The following ABHD18 variants were observed in gnomAD, a reference collection of about 807,000 sequenced individuals.
ABHD18 encodes cardiolipin-specific deacylase, mitochondrial.
Under a neutral mutation model 65.9 loss-of-function variants are expected in ABHD18, and 55 were observed. The ratio of observed to expected loss-of-function variants is 0.84; its 90% CI spans 0.67 to 1.05. The LOEUF is 1.05. Among genes scored for constraint, ABHD18 ranks in the 50% least tolerant of loss-of-function variants. The pLI is 0.00. For synonymous variants in ABHD18, 181 were observed against 180.2 expected (o/e 1.00, Z -0.04); for missense variants, 533 against 558.5 (o/e 0.95, Z 0.46).
intron 10 of ABHD18, among the ~76,000 whole-genome samples, chr4:128,024,696 ATTT>A (rs567663945): frequency 7.0e-6 from 1 of 143,250 alleles, no homozygotes; most frequent in Non-Finnish European, 1.5e-5. Flanking sequence ...ACCAATTTTA[ATTT>A]TTTTTTTTTT....
In ABHD18 at chr4:127,998,070, T is replaced by C. The variant is rs376660545; in HGVS notation, c.278+8249T>C. ...ACAACCAACTAATATTTTTTTTATT[T>C]GTAGAGAACAAGGTCTCTATGTTGC... On this transcript the variant is annotated intron_variant, in intron 4 of 12. Transcript: ENST00000645843. Among the ~76,000 whole-genome samples, 85 of 152,004 alleles carry C rather than the reference T, an allele frequency of 5.6e-4. No homozygotes were observed. In the East Asian group the frequency reaches 0.014, roughly 25 times the overall value.
At chr4:127,987,869 A>G (rs1309602934) in intron 3 of ABHD18, among the ~76,000 whole-genome samples, 1 of 152,176 alleles carries the variant, frequency 6.6e-6, no homozygotes. Context: ...AATTTCAATT[A>G]AAGTATTGAA....
At chr4:128,034,109 CCACCA>C (rs1027527885) in intron 12 of ABHD18, among the ~76,000 whole-genome samples, 3 of 151,710 alleles carry the variant, frequency 2.0e-5, no homozygotes, top group Admixed American at 6.6e-5. Flanking sequence ...CAGGCACCCA[CCACCA>C]CACCCGGCTA....
rs754392134 is a variant in ABHD18 at position 128,020,154 on chromosome 4, TG to T, written c.688del (p.Val230SerfsTer7). The T allele has an allele frequency of 6.2e-7, 1 of 1,612,758 alleles. No homozygotes were observed. Among genetic ancestry groups the T allele is most frequent in the African/African-American group, 1.3e-5 (1 of 75,048 alleles). ...IPCLSWSTASGVFTTGVLSKS... is the reference protein window; with the variant it reads ...IPCLSWSTASXVFTTGVLSKS... ...CATGCCTGTCTTGGTCCACAGCATC[TG>T]GGGTCTTCACTACGGTAATTTAATT... On this transcript the variant is annotated frameshift_variant, in exon 9 of 13. Coordinates refer to ENST00000645843, the MANE Select transcript of ABHD18 (RefSeq NM_001358451.3). LOFTEE classifies it high-confidence loss of function.
At chr4:127,967,575 G>A (rs1303017328) in intron 1 of ABHD18, among the ~76,000 whole-genome samples, 1 of 152,084 alleles carries the variant, frequency 6.6e-6, no homozygotes, top group African/African-American at 2.4e-5. Flanking sequence ...AGCTGGTAGA[G>A]GAATCCCAGC....
chr4:128,013,006 C>G (rs1196576379), intron 7 of ABHD18, among the ~76,000 whole-genome samples: 1 of 141,288 alleles, frequency 7.1e-6, no homozygotes, highest in Non-Finnish European at 1.5e-5. Context: ...GCGGACGTTG[C>G]AGTGAGCGGA....
intron 4 of ABHD18, among the ~76,000 whole-genome samples, chr4:128,003,938 T>A (rs1303003922): frequency 7.2e-6 from 1 of 138,614 alleles, no homozygotes; most frequent in Non-Finnish European, 1.6e-5. Context: ...AGCAAGACCC[T>A]GTCTCGATTT....
chr4:127,966,704 A>AC (rs1745545316), intron 1 of ABHD18, among the ~76,000 whole-genome samples: 1 of 36,990 alleles, frequency 2.7e-5, no homozygotes, highest in African/African-American at 8.4e-5. Context: ...TAAAAATACA[A>AC]AAAAAAAAAA....
intron 1 of ABHD18, among the ~76,000 whole-genome samples, chr4:127,976,943 A>G: frequency 6.6e-6 from 1 of 152,110 alleles, no homozygotes; most frequent in East Asian, 1.9e-4. Context: ...TGGGAGGCTG[A>G]GGCAGGAGAA....
intron 4 of ABHD18, among the ~76,000 whole-genome samples, chr4:128,002,508 G>A (rs1752836666): frequency 6.6e-6 from 1 of 151,600 alleles, no homozygotes; most frequent in East Asian, 2.0e-4. Flanking sequence ...TTGAATTCCT[G>A]GCCTCAGGTG....
intron 8 of ABHD18, 101 bp downstream of exon 8, chr4:128,017,602 T>G (rs1378350755): frequency 9.3e-7 from 1 of 1,081,068 alleles, no homozygotes; most frequent in Non-Finnish European, 1.3e-6. Context: ...AGAATTAGTT[T>G]TAGTAAAAGT....
chr4:128,019,374 T>C (rs1756084383), intron 8 of ABHD18, among the ~76,000 whole-genome samples: 1 of 152,192 alleles, frequency 6.6e-6, no homozygotes. Context: ...TGTGTGCCTA[T>C]TGACCATCCC....
At chr4:128,035,723 G>T (rs1455486689) in intron 12 of ABHD18, 39 bp from the exon 13 acceptor site, 2 of 1,263,230 alleles carry the variant, frequency 1.6e-6, no homozygotes, top group Admixed American at 2.3e-5. Context: ...CCCCCTTTTT[G>T]TTAGTTACTT....
chr4:127,982,499 T>C (rs1257369548), intron 1 of ABHD18, among the ~76,000 whole-genome samples: 1 of 152,168 alleles, frequency 6.6e-6, no homozygotes, highest in African/African-American at 2.4e-5. Context: ...GGGTAAATTA[T>C]ACTCTCTATG....
chr4:127,980,824 TCA>T (rs1748899932), intron 1 of ABHD18, among the ~76,000 whole-genome samples: 1 of 84,860 alleles, frequency 1.2e-5, no homozygotes. Context: ...AGACTGCATC[TCA>T]AAAAAAAAAA....
chr4:128,030,513 C>T lies in ABHD18; in HGVS notation c.1184C>T (p.Pro395Leu). Residue 395 changes from proline (P) to leucine (L), a missense_variant, in exon 12 of 13, where the codon CCA becomes CTA. Transcript: ENST00000645843. Reference protein sequence around the residue: ...ECTHVANFSVPVDPSLIIVVQ... With the variant: ...ECTHVANFSVLVDPSLIIVVQ... ...TTTTTAAAAATCCTATACCTAGTCC[C>T]AGTTGATCCAAGCCTCATTATAGTG... 1 of 1,544,378 alleles carries T rather than the reference C, an allele frequency of 6.5e-7. No individual in the cohort carries two copies. The highest frequency in any genetic ancestry group is 1.3e-5 in the South Asian group (1 of 79,556).
chr4:127,989,830 T>C lies in ABHD18; in HGVS notation c.278+9T>C. On this transcript the variant is annotated intron_variant, in intron 4 of 12. Transcript: ENST00000645843. ...GAATCTGTTATTGCAAGGTAAGAAT[T>C]TTTTTGTTCAAAAAGATGAATACAT... The C allele has an allele frequency of 6.6e-7, 1 of 1,520,222 alleles. No individual in the cohort carries two copies. The highest frequency in any genetic ancestry group is 8.9e-7 in the Non-Finnish European group (1 of 1,126,344). 94.2% of individuals were successfully genotyped at this position (1,520,222 alleles called of 1,614,324 possible).
intron 7 of ABHD18, among the ~76,000 whole-genome samples, chr4:128,014,404 G>A (rs192538628): frequency 6.6e-6 from 1 of 152,254 alleles, no homozygotes; most frequent in East Asian, 1.9e-4. Flanking sequence ...GGCAGCCTGG[G>A]TTTAATAGAA....
At chr4:127,982,322 G>A (rs1486961398) in intron 1 of ABHD18, among the ~76,000 whole-genome samples, 1 of 152,134 alleles carries the variant, frequency 6.6e-6, no homozygotes, top group Non-Finnish European at 1.5e-5. Flanking sequence ...AAAATCTTTA[G>A]AAATACTTGA....
Sources: gnomAD v4.1 joint callset for allele counts (sites outside exome capture counted in the v4.1 genomes callset) on GRCh38, gnomAD v4.1.1 for gene constraint, MANE v1.5 for transcripts, NCBI Gene and HGNC (gene_info 2026-07-23, HGNC 2026-07-21) for gene names.